Variants in UBAC2 observed in about 807,000 individuals in gnomAD.
UBAC2 encodes UBA domain containing 2, also known as ubiquitin-associated domain-containing protein 2.
UBAC2 carries 26 observed loss-of-function variants against 44.0 expected under a neutral mutation model. The ratio of observed to expected loss-of-function variants is 0.59; its 90% CI spans 0.43 to 0.82. UBAC2 has a LOEUF of 0.82. UBAC2 is among the 40% of genes least tolerant of loss of function. The pLI is 0.00. For missense variants in UBAC2, 329 were observed against 419.4 expected, an observed-to-expected ratio of 0.78 and a Z score of 1.88; for synonymous variants, 155 against 154.3, an observed-to-expected ratio of 1.00 and a Z score of -0.04.
chr13:99,306,741 C>CTT (rs1218277031), intron 4 of UBAC2, among the ~76,000 whole-genome samples: 1 of 152,034 alleles, frequency 6.6e-6, no homozygotes, highest in South Asian at 2.1e-4. Context: ...ACACAACAGA[C>CTT]TTTTTTTTCA....
At chr13:99,316,224 G>A (rs1358082523) in intron 5 of UBAC2, among the ~76,000 whole-genome samples, 1 of 152,024 alleles carries the variant, frequency 6.6e-6, no homozygotes, top group African/African-American at 2.4e-5. Flanking sequence ...TAGCATGAAT[G>A]GCATGCAGGG....
chr13:99,344,751 T>C (rs1457768848), intron 7 of UBAC2, among the ~76,000 whole-genome samples: 1 of 152,230 alleles, frequency 6.6e-6, no homozygotes, highest in African/African-American at 2.4e-5. Context: ...AGGTGCTCGC[T>C]GCCACCCCCT....
chr13:99,314,539 A>G (rs2044461916), intron 5 of UBAC2, among the ~76,000 whole-genome samples: 1 of 152,246 alleles, frequency 6.6e-6, no homozygotes, highest in Non-Finnish European at 1.5e-5. Flanking sequence ...AAGTGGAAAC[A>G]AATGAGAACA....
intron 6 of UBAC2, among the ~76,000 whole-genome samples, chr13:99,319,372 A>G (rs555370201): frequency 9.8e-5 from 15 of 152,348 alleles, no homozygotes; most frequent in Non-Finnish European, 1.8e-4. Context: ...ATAATAATAC[A>G]CATTTCACTG....
At position 99,295,100 on chromosome 13, in the gene UBAC2, G is replaced by T. The variant is rs1259543839; in HGVS notation, c.390-18997G>T. 6 of 1,614,002 alleles carry T rather than the reference G, an allele frequency of 3.7e-6. No homozygotes were observed. The highest frequency in any genetic ancestry group is 5.1e-6 in the Non-Finnish European group (6 of 1,179,946). On this transcript the variant is annotated intron_variant, in intron 4 of 8. Transcript: ENST00000403766. The surrounding 1 kb of genome is among the most constrained non-coding windows in gnomAD (Gnocchi z 4.1). The stretch of plus-strand genomic sequence containing the variant: ...AGACTTGGAATGTATCATCATCTGC[G>T]TTTCTGTCATTTCACGTGAATTTTC...
At chr13:99,289,009 TAGA>T (rs2044056199) in intron 4 of UBAC2, among the ~76,000 whole-genome samples, 1 of 152,200 alleles carries the variant, frequency 6.6e-6, no homozygotes, top group Admixed American at 6.5e-5. Context: ...CATGAAATAA[TAGA>T]CCATAGACCG....
At chr13:99,339,017 C>G (rs935407822) in intron 6 of UBAC2, among the ~76,000 whole-genome samples, 2 of 152,000 alleles carry the variant, frequency 1.3e-5, no homozygotes, top group Non-Finnish European at 2.9e-5. Context: ...TCTCCTCCTC[C>G]CCCCCATTTT....
At chr13:99,309,748 A>G (rs1475741653) in intron 4 of UBAC2, among the ~76,000 whole-genome samples, 7 of 152,088 alleles carry the variant, frequency 4.6e-5, no homozygotes, top group Non-Finnish European at 5.9e-5. Flanking sequence ...CTACAGGCAC[A>G]TGCCACCACG....
At chr13:99,206,279 G>A (rs1386318974) in intron 1 of UBAC2, among the ~76,000 whole-genome samples, 3 of 152,222 alleles carry the variant, frequency 2.0e-5, no homozygotes, top group African/African-American at 7.2e-5. Context: ...GACTCCAGAG[G>A]TGGGGGGACA....
rs190783105 is a variant in UBAC2, at chr13:99,284,139, T to C, written c.390-29958T>C. ...AGACTGAGGCTGTGTATTTCAACTT[T>C]AGCAATGTAAATGTCCAAAGACAAC... On this transcript the variant is annotated intron_variant, in intron 4 of 8. Transcript: ENST00000403766. 3.9e-5 allele frequency among the ~76,000 whole-genome samples: 6 copies of C among 152,370 alleles called. No individual in the cohort carries two copies. In the East Asian group the frequency reaches 5.8e-4, roughly 15 times the overall value.
At chr13:99,337,121 A>G (rs1171893488) in intron 6 of UBAC2, among the ~76,000 whole-genome samples, 11 of 152,186 alleles carry the variant, frequency 7.2e-5, no homozygotes, top group Admixed American at 5.2e-4. Flanking sequence ...TTCTCCCAAC[A>G]TGGTGTTTTT....
chr13:99,361,543 T>C lies in UBAC2; in HGVS notation c.808-6244T>C, dbSNP rs559572003. On this transcript the variant is annotated intron_variant, in intron 7 of 8. Coordinates refer to ENST00000403766, the MANE Select transcript of UBAC2 (RefSeq NM_001144072.2). The stretch of plus-strand genomic sequence containing the variant: ...CTTCCACTGTCCTGGAGTGGGTGTG[T>C]TGTGTGCCTTTGCATGTTTTTGTAT... Among the ~76,000 whole-genome samples the C allele has an allele frequency of 2.0e-5, 3 of 152,354 alleles. No individual in the cohort carries two copies. In the South Asian group the frequency reaches 6.2e-4, roughly 32 times the overall value.
chr13:99,354,576 G>A (rs1288212423), intron 7 of UBAC2, among the ~76,000 whole-genome samples: 1 of 152,134 alleles, frequency 6.6e-6, no homozygotes, highest in Non-Finnish European at 1.5e-5. Context: ...ACAGGAGTTG[G>A]GCCCTATGCA....
At chr13:99,278,929 C>T (rs2043918605) in intron 4 of UBAC2, among the ~76,000 whole-genome samples, 1 of 152,162 alleles carries the variant, frequency 6.6e-6, no homozygotes, top group East Asian at 1.9e-4. Context: ...TCCTCATGAT[C>T]ATCAGTTTGC....
At chr13:99,289,005 A>G (rs2044056006) in intron 4 of UBAC2, among the ~76,000 whole-genome samples, 1 of 152,238 alleles carries the variant, frequency 6.6e-6, no homozygotes, top group Admixed American at 6.5e-5. Flanking sequence ...TGCACATGAA[A>G]TAATAGACCA....
At chr13:99,266,388 CATA>C in intron 4 of UBAC2, among the ~76,000 whole-genome samples, 1 of 152,048 alleles carries the variant, frequency 6.6e-6, no homozygotes, top group Non-Finnish European at 1.5e-5. Context: ...GGAAAAAACT[CATA>C]ATATTTTAAG....
intron 6 of UBAC2, among the ~76,000 whole-genome samples, chr13:99,337,588 T>A (rs148405905): frequency 6.6e-6 from 1 of 152,238 alleles, no homozygotes; most frequent in Non-Finnish European, 1.5e-5. Context: ...ATATTCTTTC[T>A]TTATTCTAGA....
intron 4 of UBAC2, chr13:99,312,946 T>G (rs1594116346): frequency 6.6e-6 from 1 of 152,522 alleles, no homozygotes; most frequent in African/African-American, 2.4e-5. Flanking sequence ...GAAGGAAGGG[T>G]TTTTTTGTTT....
intron 4 of UBAC2, among the ~76,000 whole-genome samples, chr13:99,249,668 A>G (rs2043433924): frequency 6.6e-6 from 1 of 152,178 alleles, no homozygotes; most frequent in South Asian, 2.1e-4. Context: ...ACAGTGTATA[A>G]GTGTTCCCTT....
Sources: allele counts gnomAD v4.1 joint callset (sites outside exome capture counted in the v4.1 genomes callset), GRCh38; gene constraint gnomAD v4.1.1; non-coding constraint Gnocchi (gnomAD v3.1); transcripts MANE v1.5; gene names NCBI Gene and HGNC (gene_info 2026-07-23, HGNC 2026-07-21).